The following PTBP3 variants were observed in gnomAD, a reference collection of about 807,000 sequenced individuals.
The protein encoded by PTBP3 is polypyrimidine tract-binding protein 3.
PTBP3 carries 20 observed loss-of-function variants against 58.7 expected under a neutral mutation model. That is an observed-to-expected ratio of 0.34 (90% confidence interval 0.24 to 0.50). The LOEUF (loss-of-function observed/expected upper bound fraction) is 0.50. PTBP3 is among the 20% of genes least tolerant of loss of function. The probability of loss-of-function intolerance (pLI) is 0.98; values close to 1 mark genes in which losing one functional copy is unlikely to be tolerated. For synonymous variants in PTBP3, 185 were observed against 219.8 expected (o/e 0.84, Z 1.40); for missense variants, 509 against 637.2 (o/e 0.80, Z 2.17).
intron 1 of PTBP3, chr9:112,333,128 G>C (rs754367515): frequency 6.6e-5 from 83 of 1,250,874 alleles, no homozygotes; most frequent in Non-Finnish European, 8.1e-5. Context: ...AGTGTCGGGA[G>C]GCCGAGCTGG....
the PTBP3 span, among the ~76,000 whole-genome samples, chr9:112,376,171 A>ATATATATATATATG: frequency 1.4e-5 from 2 of 143,656 alleles, 1 homozygote; most frequent in African/African-American, 5.3e-5. Flanking sequence ...ATATATATAT[A>ATATATATATATATG]TATATATCCT....
chr9:112,220,253 T>G lies in PTBP3; in HGVS notation c.*3598A>C, dbSNP rs769312082. The G allele has an allele frequency of 2.2e-6, 3 of 1,344,556 alleles. No individual in the cohort carries two copies. The East Asian group carries it at 1.4e-4, about 62-fold the overall frequency. The allele number at this position is 1,344,556 out of a possible 1,614,324, so 83.3% of individuals were successfully genotyped here. ...TGCTAAACATGTAAGCACTGCTGAC[T>G]GATGGCACGGAGACACTGAAAAGAA... On this transcript the variant is annotated 3_prime_UTR_variant, in exon 14 of 14. Transcript: ENST00000374257.
chr9:112,262,485 T>C lies in PTBP3; in HGVS notation c.466A>G (p.Ile156Val), dbSNP rs756735905. The C allele has an allele frequency of 1.2e-6, 2 of 1,610,462 alleles. No homozygotes were observed. The highest frequency in any genetic ancestry group is 2.2e-5 in the South Asian group (2 of 90,166). Residue 156 changes from isoleucine (I) to valine (V), a missense_variant, in exon 5 of 14, where the codon ATA becomes GTA. Ile to Val is a conservative substitution (Grantham distance 29). Transcript: ENST00000374257. ...VLPGQSPVLR[I>V]IIENLFYPVT... ...GGGTAAAAGAGGTTTTCAATAATTA[T>C]TCGAAGCACAGGGCTCTGCCCAGGT... is the stretch of plus-strand genomic sequence containing the variant.
chr9:112,285,925 G>T (rs569990767), intron 2 of PTBP3, among the ~76,000 whole-genome samples: 27 of 152,116 alleles, frequency 1.8e-4, no homozygotes, highest in Non-Finnish European at 3.8e-4. Flanking sequence ...AAATATACTT[G>T]AAGATTTATC....
At chr9:112,319,088 T>C (rs1000724948) in intron 1 of PTBP3, among the ~76,000 whole-genome samples, 2 of 145,036 alleles carry the variant, frequency 1.4e-5, no homozygotes, top group African/African-American at 5.1e-5. Context: ...GATCATGCCA[T>C]TGCACTCCAG....
intron 2 of PTBP3, among the ~76,000 whole-genome samples, chr9:112,279,126 A>G (rs984923326): frequency 3.9e-5 from 6 of 152,204 alleles, no homozygotes; most frequent in African/African-American, 1.2e-4. Context: ...TAATCTGAAG[A>G]TGAAGAATGT....
the PTBP3 span, among the ~76,000 whole-genome samples, chr9:112,346,737 GTTT>G: frequency 9.2e-5 from 14 of 152,122 alleles, no homozygotes; most frequent in African/African-American, 2.9e-4. Flanking sequence ...TTGTATGTTT[GTTT>G]TTTCCTGAGA....
In PTBP3 at chr9:112,297,890, A is replaced by G; in HGVS notation, c.-25T>C. 6.2e-7 allele frequency: 1 copy of G among 1,613,252 alleles called. No homozygotes were observed. Among genetic ancestry groups the G allele is most frequent in the Non-Finnish European group, 8.5e-7 (1 of 1,179,632 alleles). On this transcript the variant is annotated 5_prime_UTR_variant, in exon 2 of 14. Transcript: ENST00000374257. The stretch of plus-strand genomic sequence containing the variant: ...TGGTAAAAGGTCCGTTAATGATGCC[A>G]GAAGAAAGAAGCTCATCAGATCCCC...
chr9:112,278,152 T>C (rs1012976006), intron 2 of PTBP3, among the ~76,000 whole-genome samples: 3 of 152,184 alleles, frequency 2.0e-5, no homozygotes, highest in Non-Finnish European at 4.4e-5. Context: ...TAATTTCTTT[T>C]TTTAAACCAC....
rs1834749963 is a variant in PTBP3, at chr9:112,220,064, T to C, written c.*3787A>G. 1 of 1,173,826 alleles carries C rather than the reference T, an allele frequency of 8.5e-7. No homozygotes were observed. Among genetic ancestry groups the C allele is most frequent in the South Asian group, 1.6e-5 (1 of 62,008 alleles). The allele number at this position is 1,173,826 out of a possible 1,614,324, so 72.7% of individuals were successfully genotyped here. ...TAACAGATCAAGACAAAGGAAAGGC[T>C]AAGAAAAATGCTTTACGCATCGTCA... On this transcript the variant is annotated 3_prime_UTR_variant, in exon 14 of 14. Coordinates refer to ENST00000374257, the MANE Select transcript of PTBP3 (RefSeq NM_001163788.4).
chr9:112,298,228 T>C (rs1387969003), intron 1 of PTBP3, among the ~76,000 whole-genome samples: 1 of 152,182 alleles, frequency 6.6e-6, no homozygotes, highest in Non-Finnish European at 1.5e-5. Context: ...CATTATGACA[T>C]TGTTTTTGTA....
intron 2 of PTBP3, among the ~76,000 whole-genome samples, chr9:112,291,514 C>T (rs556821677): frequency 1.1e-4 from 17 of 152,258 alleles, no homozygotes; most frequent in Non-Finnish European, 2.5e-4. Flanking sequence ...GACATAAAGA[C>T]AAACATATAG....
intron 2 of PTBP3, among the ~76,000 whole-genome samples, chr9:112,279,141 C>T (rs547935541): frequency 6.6e-6 from 1 of 151,992 alleles, no homozygotes; most frequent in African/African-American, 2.4e-5. Context: ...GAATGTATAC[C>T]ATTACAAGCA....
chr9:112,259,762 T>C (rs1217754949), intron 5 of PTBP3, among the ~76,000 whole-genome samples: 1 of 152,230 alleles, frequency 6.6e-6, no homozygotes, highest in Non-Finnish European at 1.5e-5. Flanking sequence ...CGTTAAATAG[T>C]TATAACAGGT....
the PTBP3 span, among the ~76,000 whole-genome samples, chr9:112,367,583 G>GT: frequency 1.3e-5 from 2 of 152,122 alleles, no homozygotes; most frequent in Non-Finnish European, 2.9e-5. Context: ...TAGTTGCCAA[G>GT]TTTTTTCATC....
At chr9:112,321,830 C>A (rs1829962464) in intron 1 of PTBP3, among the ~76,000 whole-genome samples, 2 of 152,220 alleles carry the variant, frequency 1.3e-5, no homozygotes, top group South Asian at 4.1e-4. Context: ...CTTTACCCTC[C>A]AGGAACCCTA....
downstream of PTBP3, chr9:112,218,304 T>C (rs528694401): frequency 6.6e-6 from 1 of 152,428 alleles, no homozygotes; most frequent in Admixed American, 6.5e-5. Context: ...ATTGTTTGAA[T>C]ATGTGCTCAC....
At chr9:112,257,587 T>C (rs1026464351) in intron 5 of PTBP3, among the ~76,000 whole-genome samples, 1 of 152,210 alleles carries the variant, frequency 6.6e-6, no homozygotes, top group African/African-American at 2.4e-5. Flanking sequence ...TCAGAGTGAT[T>C]TTTTATAAAG....
intron 3 of PTBP3, among the ~76,000 whole-genome samples, chr9:112,270,952 G>A (rs768844911): frequency 2.6e-5 from 4 of 151,908 alleles, no homozygotes; most frequent in Non-Finnish European, 4.4e-5. Context: ...TCAGCCTCCC[G>A]AGTAGCTGGG....
Sources: gnomAD v4.1 joint callset for allele counts (sites outside exome capture counted in the v4.1 genomes callset) on GRCh38, gnomAD v4.1.1 for gene constraint, MANE v1.5 for transcripts, NCBI Gene and HGNC (gene_info 2026-07-23, HGNC 2026-07-21) for gene names.